Variants in MAEL observed in about 807,000 individuals in gnomAD.
MAEL encodes protein maelstrom homolog.
MAEL carries 46 observed loss-of-function variants against 62.0 expected under a neutral mutation model. The observed-to-expected ratio is 0.74, with a 90% CI of 0.59 to 0.95. The LOEUF (loss-of-function observed/expected upper bound fraction) is 0.95. Among genes scored for constraint, MAEL ranks in the 40% least tolerant of loss-of-function variants. The pLI is 0.00. For synonymous variants in MAEL, 172 were observed against 175.5 expected (o/e 0.98, Z 0.16); for missense variants, 497 against 526.8 (o/e 0.94, Z 0.55).
chr1:166,992,389 C>G (rs966958543), intron 3 of MAEL, among the ~76,000 whole-genome samples: 3 of 152,128 alleles, frequency 2.0e-5, no homozygotes, highest in Non-Finnish European at 4.4e-5. Flanking sequence ...CTGTGTCATT[C>G]CTGAGATTCA....
intron 7 of MAEL, 62 bp downstream of exon 7, chr1:167,005,192 CT>C: frequency 6.2e-7 from 1 of 1,609,054 alleles, no homozygotes. Flanking sequence ...TTTGTTTCCA[CT>C]TTGATATCTT....
At chr1:167,014,856 C>G (rs983847707) in intron 8 of MAEL, among the ~76,000 whole-genome samples, 2 of 152,142 alleles carry the variant, frequency 1.3e-5, no homozygotes, top group African/African-American at 2.4e-5. Flanking sequence ...AACCCTGTCT[C>G]TACTAAAAAT....
At chr1:167,000,449 T>G (rs551648897) in intron 5 of MAEL, among the ~76,000 whole-genome samples, 1 of 152,192 alleles carries the variant, frequency 6.6e-6, no homozygotes, top group Non-Finnish European at 1.5e-5. Context: ...AGGAGTTGCT[T>G]CTTATGGGTG....
chr1:166,987,152 G>C (rs1663945993), upstream of MAEL, among the ~76,000 whole-genome samples: 1 of 152,064 alleles, frequency 6.6e-6, no homozygotes, highest in African/African-American at 2.4e-5. Context: ...GAACATTTCT[G>C]ACAACCCAGA....
chr1:167,018,545 G>T (rs186564349), intron 10 of MAEL, among the ~76,000 whole-genome samples: 1 of 151,970 alleles, frequency 6.6e-6, no homozygotes, highest in Non-Finnish European at 1.5e-5. Flanking sequence ...CAATAATAGG[G>T]GCTAGTATTT....
At chr1:167,009,111 T>C (rs900324915) in intron 8 of MAEL, among the ~76,000 whole-genome samples, 2 of 152,272 alleles carry the variant, frequency 1.3e-5, no homozygotes, top group East Asian at 1.9e-4. Flanking sequence ...CCAGTTGATA[T>C]GTCTTGTGTT....
chr1:167,016,345 T>C (rs1665388374), intron 9 of MAEL, 61 bp downstream of exon 9: 2 of 1,520,124 alleles, frequency 1.3e-6, no homozygotes, highest in Non-Finnish European at 1.8e-6. Flanking sequence ...TTCTGTGCCG[T>C]TTTGCTTGCT....
upstream of MAEL, among the ~76,000 whole-genome samples, chr1:166,986,426 T>C (rs755088485): frequency 3.7e-4 from 56 of 152,164 alleles, no homozygotes; most frequent in Admixed American, 2.6e-4. Context: ...GGGACGGTGG[T>C]GCGTGGAGTG....
intron 6 of MAEL, among the ~76,000 whole-genome samples, 200 bp from the exon 7 acceptor site, chr1:167,004,876 C>G (rs1664826293): frequency 6.6e-6 from 1 of 152,178 alleles, no homozygotes; most frequent in African/African-American, 2.4e-5. Context: ...ATGTAACTGA[C>G]TAATAATAGC....
At chr1:167,013,849 C>G (rs991194129) in intron 8 of MAEL, among the ~76,000 whole-genome samples, 4 of 152,170 alleles carry the variant, frequency 2.6e-5, no homozygotes, top group Admixed American at 2.6e-4. Context: ...ATATGAAAGG[C>G]TTTGCTCTAA....
intron 5 of MAEL, among the ~76,000 whole-genome samples, chr1:166,994,886 T>C (rs1664348027): frequency 6.6e-6 from 1 of 151,758 alleles, no homozygotes; most frequent in Non-Finnish European, 1.5e-5. Flanking sequence ...GCCAGGATGG[T>C]CTCGATCTAT....
chr1:166,995,353 G>A (rs1035145189), intron 5 of MAEL, among the ~76,000 whole-genome samples: 26 of 151,820 alleles, frequency 1.7e-4, no homozygotes, highest in Admixed American at 1.7e-3. Flanking sequence ...CAATTCTCCT[G>A]CCTCGCCTCC....
intron 8 of MAEL, among the ~76,000 whole-genome samples, chr1:167,006,601 C>CTATA (rs200881169): frequency 0.032 from 3,116 of 97,370 alleles, 152 homozygotes; most frequent in East Asian, 0.09. Context: ...TGGTTTTTTA[C>CTATA]TATATATATA....
chr1:167,021,951 C>T lies in MAEL; in HGVS notation c.*96C>T. ...CAGATCACATCAATGACAAATGTCA[C>T]TACTATAAAAACTACTTAATTTGTA... On this transcript the variant is annotated 3_prime_UTR_variant, in exon 12 of 12. Coordinates refer to ENST00000367872, the MANE Select transcript of MAEL (RefSeq NM_032858.3). The T allele has an allele frequency of 1.3e-6, 1 of 771,342 alleles. No individual in the cohort carries two copies. 47.8% of individuals were successfully genotyped at this position (771,342 alleles called of 1,614,324 possible).
chr1:166,976,040 G>A (rs1035570606), intron 1 of MAEL, among the ~76,000 whole-genome samples: 1 of 152,212 alleles, frequency 6.6e-6, no homozygotes, highest in Non-Finnish European at 1.5e-5. Flanking sequence ...AAGGAACCAG[G>A]CAAGAGGCTC....
In MAEL at chr1:167,004,193, C is replaced by G. The variant is rs764537957; in HGVS notation, c.537C>G (p.His179Gln). The change falls in exon 6 of 12, where the codon CAC (histidine) becomes CAG (glutamine). Residue 179 changes from histidine (H) to glutamine (Q), a missense_variant. By Grantham distance (24) the His-to-Gln change is conservative. Coordinates refer to ENST00000367872, the MANE Select transcript of MAEL (RefSeq NM_032858.3). ...TATTTCCCTCAGGTGATTCTAGTCA[C>G]AAGATTCCTATTTCAAATTTTGAAC... ...FHCQAASDSSHKIPISNFERG... is the reference protein window; with the variant it reads ...FHCQAASDSSQKIPISNFERG... 2 of 1,608,084 alleles carry G rather than the reference C, an allele frequency of 1.2e-6. No homozygotes were observed. Among genetic ancestry groups the G allele is most frequent in the East Asian group, 2.2e-5 (1 of 44,742 alleles).
At chr1:167,005,540 T>G (rs991402154) in intron 8 of MAEL, 143 bp downstream of exon 8, 5 of 703,904 alleles carry the variant, frequency 7.1e-6, no homozygotes, top group Non-Finnish European at 1.1e-5. Flanking sequence ...TAAAATTTCA[T>G]TGATAGTAAG....
chr1:167,003,178 T>G (rs1557979820), intron 5 of MAEL, among the ~76,000 whole-genome samples: 1 of 152,128 alleles, frequency 6.6e-6, no homozygotes, highest in Admixed American at 6.5e-5. Flanking sequence ...AGCCTCAAAC[T>G]CCTGGCTCAA....
intron 8 of MAEL, among the ~76,000 whole-genome samples, chr1:167,014,606 TAACTA>T (rs1215762667): frequency 1.3e-5 from 2 of 152,222 alleles, no homozygotes; most frequent in Admixed American, 6.5e-5. Flanking sequence ...TAAAAACTGT[TAACTA>T]ATATATGGAA....
Sources: gnomAD v4.1 joint callset for allele counts (sites outside exome capture counted in the v4.1 genomes callset) on GRCh38, gnomAD v4.1.1 for gene constraint, MANE v1.5 for transcripts, NCBI Gene and HGNC (gene_info 2026-07-23, HGNC 2026-07-21) for gene names.